The following TBC1D1 variants were observed in gnomAD, a reference collection of about 807,000 sequenced individuals.
TBC1D1 encodes TBC1 (tre-2/USP6, BUB2, cdc16) domain family, member 1.
A neutral mutation model predicts 125.6 loss-of-function variants in TBC1D1; 89 were observed. The observed-to-expected ratio is 0.71, with a 90% CI of 0.60 to 0.85. The LOEUF is 0.85. Ranked by LOEUF, TBC1D1 falls within the 40% of genes least tolerant of loss-of-function variation. The probability of loss-of-function intolerance (pLI) is 0.00; values close to 1 mark genes in which losing one functional copy is unlikely to be tolerated. For synonymous variants in TBC1D1, 565 were observed against 564.1 expected (o/e 1.00, Z -0.02); for missense variants, 1,377 against 1,469.2 (o/e 0.94, Z 1.03).
At chr4:38,073,027 A>G (rs1483967346) in intron 12 of TBC1D1, among the ~76,000 whole-genome samples, 2 of 151,970 alleles carry the variant, frequency 1.3e-5, no homozygotes, top group Non-Finnish European at 2.9e-5. Context: ...ATCTGTTGAC[A>G]TTCATCTGCT....
At chr4:38,108,192 A>T (rs1289971340) in intron 15 of TBC1D1, among the ~76,000 whole-genome samples, 1 of 152,164 alleles carries the variant, frequency 6.6e-6, no homozygotes, top group Non-Finnish European at 1.5e-5. Context: ...CGTCCTGACC[A>T]CGCTGGGGGC....
chr4:38,020,896 TGAA>T, intron 5 of TBC1D1: 1 of 422,006 alleles, frequency 2.4e-6, no homozygotes, highest in Non-Finnish European at 4.4e-6. Context: ...TTTTTATTTC[TGAA>T]GAACTTGTTT....
At chr4:37,895,922 TG>T (rs1203208672) in intron 1 of TBC1D1, among the ~76,000 whole-genome samples, 1 of 152,104 alleles carries the variant, frequency 6.6e-6, no homozygotes, top group East Asian at 1.9e-4. Context: ...CTGCTCCCGT[TG>T]GGGTGGAATC....
chr4:38,091,534 T>A (rs1057444994), intron 13 of TBC1D1, among the ~76,000 whole-genome samples: 6 of 152,226 alleles, frequency 3.9e-5, no homozygotes, highest in African/African-American at 1.4e-4. Context: ...TATCTTGGGA[T>A]TTTTGTTGAA....
intron 17 of TBC1D1, among the ~76,000 whole-genome samples, chr4:38,123,229 G>C (rs542856905): frequency 1.3e-5 from 2 of 152,098 alleles, no homozygotes; most frequent in Non-Finnish European, 2.9e-5. Context: ...TGCAAAAAAG[G>C]TCTTGATTTT....
At chr4:38,065,847 G>A (rs551694600) in intron 12 of TBC1D1, among the ~76,000 whole-genome samples, 1 of 151,900 alleles carries the variant, frequency 6.6e-6, no homozygotes, top group Admixed American at 6.5e-5. Flanking sequence ...ACAGGGTTTC[G>A]CCATGTTGGG....
At chr4:38,025,539 C>T (rs187857103) in intron 6 of TBC1D1, among the ~76,000 whole-genome samples, 24 of 152,296 alleles carry the variant, frequency 1.6e-4, no homozygotes, top group Admixed American at 1.2e-3. Context: ...GCTGCCGAAG[C>T]GAAGAATAAG....
At position 38,124,914 on chromosome 4, in the gene TBC1D1, G is replaced by A. The variant is rs368009199; in HGVS notation, c.2963-48G>A. The A allele has an allele frequency of 6.1e-4, 940 of 1,552,998 alleles. 1 individual carries two copies. Among genetic ancestry groups the A allele is most frequent in the Non-Finnish European group, 5.0e-4 (560 of 1,127,138 alleles). ...GGAAAAGGCAATGGAATGGTATTGCGTGAGAAACTGGTCTGGTTTAACTTT... is the reference window on the plus strand; with the variant it reads ...GGAAAAGGCAATGGAATGGTATTGCATGAGAAACTGGTCTGGTTTAACTTT... On this transcript the variant is annotated intron_variant, in intron 17 of 19. Transcript: ENST00000261439.
intron 2 of TBC1D1, among the ~76,000 whole-genome samples, chr4:37,928,572 T>C (rs1722604652): frequency 6.6e-6 from 1 of 152,302 alleles, no homozygotes; most frequent in African/African-American, 2.4e-5. Context: ...TTGTACTTTC[T>C]CTCTTGCCGC....
intron 2 of TBC1D1, chr4:37,960,847 A>G: frequency 1.2e-6 from 2 of 1,614,014 alleles, no homozygotes; most frequent in Non-Finnish European, 8.5e-7. Context: ...CAGATTGCAC[A>G]CCTCCCCTTG....
chr4:37,921,002 C>T (rs149607657), intron 2 of TBC1D1, among the ~76,000 whole-genome samples: 3,461 of 149,556 alleles, frequency 0.023, 129 homozygotes, highest in African/African-American at 0.082. Flanking sequence ...CCCAGCTACT[C>T]AGGAGGCTGA....
intron 2 of TBC1D1, among the ~76,000 whole-genome samples, chr4:37,916,499 G>T (rs939279533): frequency 1.4e-4 from 21 of 152,256 alleles, no homozygotes; most frequent in Admixed American, 1.4e-3. Context: ...TGCTGTTTGG[G>T]CAAGAACATC....
chr4:38,005,906 GCA>G (rs1451214472), intron 2 of TBC1D1, among the ~76,000 whole-genome samples: 3 of 152,216 alleles, frequency 2.0e-5, no homozygotes, highest in African/African-American at 7.2e-5. Flanking sequence ...TTCCAGAGAA[GCA>G]CAGTCACCTC....
At chr4:38,048,163 T>G (rs560868445) in intron 10 of TBC1D1, among the ~76,000 whole-genome samples, 73 of 152,330 alleles carry the variant, frequency 4.8e-4, no homozygotes, top group Admixed American at 1.1e-3. Flanking sequence ...ACTACTATAT[T>G]CTATTTTATG....
chr4:37,944,956 C>T (rs1294140361), intron 2 of TBC1D1, among the ~76,000 whole-genome samples: 1 of 152,166 alleles, frequency 6.6e-6, no homozygotes, highest in Non-Finnish European at 1.5e-5. Flanking sequence ...TGGAGCTGTT[C>T]CTATTTGGCC....
Position 37,978,837 on chromosome 4 carries a change from G to T in TBC1D1, c.418-35672G>T, listed in dbSNP as rs1202546001. ...TTGGAAAAGTTTATATAGAGGAAAT[G>T]TAGGCTGGTAGCTTAATTTGGATTC... On this transcript the variant is annotated intron_variant, in intron 2 of 19. Coordinates refer to ENST00000261439, the MANE Select transcript of TBC1D1 (RefSeq NM_015173.4). Among the ~76,000 whole-genome samples, 3 of 133,110 alleles carry T rather than the reference G, an allele frequency of 2.3e-5. No homozygotes were observed. In the South Asian group the frequency reaches 6.9e-4, roughly 31 times the overall value. 87.3% of individuals were successfully genotyped at this position (133,110 alleles called of 152,430 possible).
chr4:38,047,281 C>T (rs1296502688), intron 10 of TBC1D1, among the ~76,000 whole-genome samples: 2 of 152,190 alleles, frequency 1.3e-5, no homozygotes, highest in Admixed American at 6.5e-5. Context: ...TCTCTTGCCT[C>T]AGCCTCCTGA....
At chr4:38,082,552 C>T (rs553185246) in intron 12 of TBC1D1, among the ~76,000 whole-genome samples, 2 of 152,336 alleles carry the variant, frequency 1.3e-5, no homozygotes, top group East Asian at 3.9e-4. Context: ...ATACAGCTTC[C>T]TTCCCCTTGC....
intron 2 of TBC1D1, among the ~76,000 whole-genome samples, chr4:37,930,778 C>T (rs2152288225): frequency 6.6e-6 from 1 of 152,282 alleles, no homozygotes; most frequent in Admixed American, 6.5e-5. Context: ...GAAATAAATA[C>T]TAAGCATATG....
Sources: gnomAD v4.1 joint callset for allele counts (sites outside exome capture counted in the v4.1 genomes callset) on GRCh38, gnomAD v4.1.1 for gene constraint, MANE v1.5 for transcripts, NCBI Gene and HGNC (gene_info 2026-07-23, HGNC 2026-07-21) for gene names.